The following PRH1 variants were observed in gnomAD, a reference collection of about 807,000 sequenced individuals.
The protein encoded by PRH1 is proline rich protein HaeIII subfamily 1.
PRH1 carries 7 observed loss-of-function variants against 7.9 expected under a neutral mutation model. The ratio of observed to expected loss-of-function variants is 0.89; its 90% CI spans 0.50 to 1.67. The LOEUF (loss-of-function observed/expected upper bound fraction) is 1.67. Among genes scored for constraint, PRH1 ranks in the 40% most tolerant of loss-of-function variants. PRH1 has a pLI of 0.00. For synonymous variants in PRH1, 45 were observed against 80.8 expected (o/e 0.56, Z 2.38); for missense variants, 109 against 223.6 (o/e 0.49, Z 3.27).
At chr12:10,904,426 G>T (rs955743997) in intron 2 of PRH1, among the ~76,000 whole-genome samples, 8 of 152,094 alleles carry the variant, frequency 5.3e-5, no homozygotes, top group Admixed American at 5.2e-4. Flanking sequence ...AAACAATGGG[G>T]AAAGGACTCT....
At chr12:10,935,431 C>G (rs770146303) in intron 2 of PRH1, among the ~76,000 whole-genome samples, 1 of 152,062 alleles carries the variant, frequency 6.6e-6, no homozygotes, top group Non-Finnish European at 1.5e-5. Flanking sequence ...CATTTGAGAA[C>G]CATTTACAGG....
rs1592001641 is a variant in PRH1 at position 11,093,379 on chromosome 12, A to G, written n.124-46191T>C. ...ATAACTTCATTATTCACAAACTCAT[A>G]AATATGCACACAAATACACACGTGC... On this transcript the variant is annotated intron_variant and non_coding_transcript_variant, in intron 1 of 4. Coordinates refer to the PRH1 transcript ENST00000541977. 1.7e-5 allele frequency among the ~76,000 whole-genome samples: 2 copies of G among 115,858 alleles called. 1 individual carries two copies. The highest frequency in any genetic ancestry group is 4.7e-4 in the South Asian group (2 of 4,262). 76.0% of individuals were successfully genotyped at this position (115,858 alleles called of 152,430 possible).
chr12:10,908,288 G>A, intron 2 of PRH1: 1 of 1,136,262 alleles, frequency 8.8e-7, no homozygotes, highest in African/African-American at 1.6e-5. Context: ...AGAAACCAGG[G>A]GAAGCATAAA....
chr12:11,067,298 C>T (rs1323107856), intron 1 of PRH1, among the ~76,000 whole-genome samples: 1 of 152,094 alleles, frequency 6.6e-6, no homozygotes, highest in Non-Finnish European at 1.5e-5. Flanking sequence ...AATTAGAATG[C>T]TAACAATATG....
chr12:10,962,408 G>C (rs951124237), intron 2 of PRH1, among the ~76,000 whole-genome samples: 4 of 152,148 alleles, frequency 2.6e-5, no homozygotes, highest in Admixed American at 6.5e-5. Context: ...AGGTATTGTA[G>C]TGGGTGCCAT....
chr12:10,883,117 G>A, intron 1 of PRH1, 21 bp from the exon 2 acceptor site: 1 of 1,611,868 alleles, frequency 6.2e-7, no homozygotes, highest in Non-Finnish European at 8.5e-7. Flanking sequence ...AGTACAGGAT[G>A]ATGGGAAAAG....
chr12:11,080,113 C>A (rs1353631319), intron 1 of PRH1, among the ~76,000 whole-genome samples: 1 of 134,790 alleles, frequency 7.4e-6, no homozygotes, highest in Non-Finnish European at 1.7e-5. Context: ...CTGTGATAAG[C>A]AACATCCATA....
chr12:11,155,355 C>T (rs977960725), intron 1 of PRH1, among the ~76,000 whole-genome samples: 5 of 152,082 alleles, frequency 3.3e-5, no homozygotes, highest in African/African-American at 9.7e-5. Flanking sequence ...CACTTGAAAA[C>T]CAGAGAACCA....
chr12:11,029,879 A>G (rs1319801263), intron 1 of PRH1, among the ~76,000 whole-genome samples: 6 of 152,202 alleles, frequency 3.9e-5, no homozygotes, highest in Admixed American at 3.9e-4. Context: ...ATAATGGAAT[A>G]AAACACCAAA....
At chr12:10,977,282 C>T (rs1939148773) in intron 1 of PRH1, among the ~76,000 whole-genome samples, 1 of 152,118 alleles carries the variant, frequency 6.6e-6, no homozygotes, top group South Asian at 2.1e-4. Flanking sequence ...AATAAGTGTG[C>T]TTCATCACAT....
At chr12:11,165,801 G>A (rs1388610598) in intron 1 of PRH1, among the ~76,000 whole-genome samples, 1 of 152,196 alleles carries the variant, frequency 6.6e-6, no homozygotes. Flanking sequence ...AGTAACTTGT[G>A]TTTTGGGGAA....
intron 2 of PRH1, among the ~76,000 whole-genome samples, chr12:10,952,916 T>G (rs1289173840): frequency 6.6e-6 from 1 of 152,100 alleles, no homozygotes; most frequent in Non-Finnish European, 1.5e-5. Flanking sequence ...TTCAGAGTGT[T>G]GTGGCCAGCA....
intron 1 of PRH1, among the ~76,000 whole-genome samples, chr12:11,165,285 C>T (rs1246015705): frequency 6.6e-6 from 1 of 151,522 alleles, no homozygotes; most frequent in Non-Finnish European, 1.5e-5. Flanking sequence ...CCAGTCTTCC[C>T]AATTTTTTCC....
At chr12:10,943,133 C>T (rs547896351) in intron 2 of PRH1, among the ~76,000 whole-genome samples, 33 of 152,294 alleles carry the variant, frequency 2.2e-4, no homozygotes, top group African/African-American at 6.5e-4. Flanking sequence ...TTTTTTTCTG[C>T]AGTCTTTCTG....
At chr12:10,964,906 C>T (rs1938431572) in intron 2 of PRH1, 1 of 576,586 alleles carries the variant, frequency 1.7e-6, no homozygotes. Context: ...TACTCTCATC[C>T]ATGTTTACCA....
At chr12:10,917,259 G>A (rs1254506468) in intron 2 of PRH1, among the ~76,000 whole-genome samples, 3 of 151,908 alleles carry the variant, frequency 2.0e-5, no homozygotes, top group African/African-American at 7.3e-5. Context: ...TCTATACCTG[G>A]CTTCTCTTCA....
chr12:11,120,865 G>C (rs1051895294), exon 2 of PRH1: 1 of 152,976 alleles, frequency 6.5e-6, no homozygotes, highest in Non-Finnish European at 1.5e-5. Flanking sequence ...CTGAATTACA[G>C]AGAACGGCTC....
chr12:10,929,633 A>G lies in PRH1; in HGVS notation c.-59+44022T>C, dbSNP rs1950174316. On this transcript the variant is annotated intron_variant, in intron 2 of 3. Transcript: ENST00000539853. ...GATATGGAGAATGCAAGACAGATTC[A>G]GGGAAGTGCAGCTGTGAAGATCCTA... Among the ~76,000 whole-genome samples the G allele has an allele frequency of 2.0e-5, 3 of 152,192 alleles. No individual in the cohort carries two copies. In the South Asian group the frequency reaches 6.2e-4, roughly 32 times the overall value.
intron 2 of PRH1, among the ~76,000 whole-genome samples, chr12:10,913,833 C>A (rs567128052): frequency 1.3e-5 from 2 of 152,274 alleles, no homozygotes; most frequent in Non-Finnish European, 2.9e-5. Flanking sequence ...GTCAATAAAC[C>A]ATCTATCAGC....
Sources: allele counts gnomAD v4.1 joint callset (sites outside exome capture counted in the v4.1 genomes callset), GRCh38; gene constraint gnomAD v4.1.1; transcripts MANE v1.5; gene names NCBI Gene and HGNC (gene_info 2026-07-23, HGNC 2026-07-21).